The following ADGRL3 variants were observed in gnomAD, a reference collection of about 807,000 sequenced individuals.
The protein encoded by ADGRL3 is calcium-independent alpha-latrotoxin receptor 3.
A neutral mutation model predicts 153.5 loss-of-function variants in ADGRL3; 62 were observed. The ratio of observed to expected loss-of-function variants is 0.40; its 90% CI spans 0.33 to 0.50. ADGRL3 has a LOEUF of 0.50. Among genes scored for constraint, ADGRL3 ranks in the 20% least tolerant of loss-of-function variants. The probability of loss-of-function intolerance (pLI) is 0.47; values close to 1 mark genes in which losing one functional copy is unlikely to be tolerated. For missense variants in ADGRL3, 1,641 were observed against 1,859.4 expected, an observed-to-expected ratio of 0.88 and a Z score of 2.16; for synonymous variants, 710 against 672.5, an observed-to-expected ratio of 1.06 and a Z score of -0.86.
chr4:61,859,773 G>T (rs971243404), intron 9 of ADGRL3, among the ~76,000 whole-genome samples: 1 of 152,166 alleles, frequency 6.6e-6, no homozygotes, highest in Non-Finnish European at 1.5e-5. Context: ...GTGGTGTGTA[G>T]TACTAAAGTG....
In ADGRL3 at chr4:62,023,938, T is replaced by C. The variant is rs889236469; in HGVS notation, c.3396-4917T>C. Among the ~76,000 whole-genome samples the C allele has an allele frequency of 2.6e-5, 4 of 152,112 alleles. 1 individual carries two copies. Among genetic ancestry groups the C allele is most frequent in the South Asian group, 4.1e-4 (2 of 4,824 alleles). On this transcript the variant is annotated intron_variant, in intron 21 of 26. Transcript: ENST00000683033. ...TACCAATTCATTTTTGTAAATCTGA[T>C]AGAGAGGGATACTGAATTCTAATAA...
intron 5 of ADGRL3, among the ~76,000 whole-genome samples, chr4:61,635,317 C>T (rs1046639552): frequency 2.0e-5 from 3 of 152,002 alleles, no homozygotes. Flanking sequence ...ATTGAGTGAC[C>T]CAATGCATAT....
chr4:61,657,054 A>G (rs2094460440), intron 5 of ADGRL3, among the ~76,000 whole-genome samples: 1 of 152,170 alleles, frequency 6.6e-6, no homozygotes, highest in African/African-American at 2.4e-5. Context: ...AAACGTGTTT[A>G]TTTATCAAAT....
chr4:61,370,975 C>A (rs1041717632), intron 1 of ADGRL3, among the ~76,000 whole-genome samples: 8 of 150,796 alleles, frequency 5.3e-5, no homozygotes, highest in Non-Finnish European at 1.2e-4. Flanking sequence ...ATCCCTTTAC[C>A]ATTATGTAAT....
intron 3 of ADGRL3, among the ~76,000 whole-genome samples, chr4:61,509,085 G>A (rs1374870415): frequency 6.6e-6 from 1 of 151,074 alleles, no homozygotes; most frequent in East Asian, 2.0e-4. Context: ...AATTCAAGAC[G>A]AGATTTGGGT....
chr4:61,357,050 T>A (rs1363087171), intron 1 of ADGRL3, among the ~76,000 whole-genome samples: 1 of 152,092 alleles, frequency 6.6e-6, no homozygotes, highest in Non-Finnish European at 1.5e-5. Flanking sequence ...CATTAAAGTG[T>A]CATTAATTTT....
intron 9 of ADGRL3, among the ~76,000 whole-genome samples, chr4:61,844,575 A>AAATATATATATATATAT (rs1554045137): frequency 5.5e-5 from 1 of 18,108 alleles, no homozygotes; most frequent in Non-Finnish European, 8.4e-5. Flanking sequence ...AAAAAAAAAA[A>AAATATATATATATATAT]ATATATATAT....
chr4:61,939,828 T>A (rs2098871946), intron 15 of ADGRL3, among the ~76,000 whole-genome samples: 1 of 152,206 alleles, frequency 6.6e-6, no homozygotes, highest in Non-Finnish European at 1.5e-5. Context: ...CCATTTGCTG[T>A]CTCAATTCGT....
intron 1 of ADGRL3, among the ~76,000 whole-genome samples, chr4:61,215,261 GATAA>G (rs1742110173): frequency 6.6e-6 from 1 of 152,156 alleles, no homozygotes. Flanking sequence ...TTTAATGCTT[GATAA>G]ATAAATGATT....
chr4:61,621,821 A>G (rs981392779), intron 5 of ADGRL3, among the ~76,000 whole-genome samples: 3 of 152,194 alleles, frequency 2.0e-5, no homozygotes, highest in African/African-American at 4.8e-5. Flanking sequence ...TTAAAATTAA[A>G]GAAGAAAAAT....
intron 9 of ADGRL3, among the ~76,000 whole-genome samples, chr4:61,821,189 C>CAAAAA (rs34391051): frequency 4.5e-4 from 49 of 107,780 alleles, no homozygotes; most frequent in African/African-American, 1.0e-3. Flanking sequence ...TGCCAATTAC[C>CAAAAA]AAAAAAAAAA....
chr4:61,409,028 G>T (rs1376908884), intron 2 of ADGRL3, among the ~76,000 whole-genome samples: 1 of 151,126 alleles, frequency 6.6e-6, no homozygotes, highest in Non-Finnish European at 1.5e-5. Context: ...AATCATTTTA[G>T]CTATGAGTTA....
chr4:61,262,156 T>C (rs546496181), intron 1 of ADGRL3, among the ~76,000 whole-genome samples: 15 of 152,290 alleles, frequency 9.8e-5, no homozygotes, highest in Admixed American at 3.9e-4. Context: ...TTTTTACATT[T>C]TGGCAGTGCC....
intron 21 of ADGRL3, among the ~76,000 whole-genome samples, chr4:62,023,566 T>C (rs2151414882): frequency 6.6e-6 from 1 of 152,278 alleles, no homozygotes; most frequent in East Asian, 1.9e-4. Context: ...CAAACTTCAC[T>C]GTGGTCTTAT....
At chr4:61,369,214 C>A (rs983780056) in intron 1 of ADGRL3, among the ~76,000 whole-genome samples, 5 of 152,102 alleles carry the variant, frequency 3.3e-5, no homozygotes, top group African/African-American at 1.2e-4. Context: ...AATTGAATAC[C>A]CTTTATTTCT....
chr4:61,574,970 G>T (rs755546375), intron 4 of ADGRL3, among the ~76,000 whole-genome samples: 1 of 151,156 alleles, frequency 6.6e-6, no homozygotes, highest in Non-Finnish European at 1.5e-5. Flanking sequence ...CTGCTTTCTC[G>T]GGAATATTAT....
intron 2 of ADGRL3, among the ~76,000 whole-genome samples, chr4:61,449,469 T>C (rs1234915878): frequency 1.3e-5 from 2 of 151,930 alleles, no homozygotes; most frequent in Non-Finnish European, 2.9e-5. Flanking sequence ...TGAAATACTA[T>C]TTGGATAAAA....
intron 23 of ADGRL3, among the ~76,000 whole-genome samples, chr4:62,032,200 A>G (rs1254468369): frequency 6.6e-6 from 1 of 151,510 alleles, no homozygotes; most frequent in Non-Finnish European, 1.5e-5. Context: ...ATGAAATCTA[A>G]GAGTTGTATT....
intron 6 of ADGRL3, among the ~76,000 whole-genome samples, chr4:61,686,726 A>G (rs2095451634): frequency 6.6e-6 from 1 of 152,106 alleles, no homozygotes; most frequent in East Asian, 1.9e-4. Context: ...CAATAGAACA[A>G]CAAAGCTTAA....
Sources: gnomAD v4.1 joint callset for allele counts (sites outside exome capture counted in the v4.1 genomes callset) on GRCh38, gnomAD v4.1.1 for gene constraint, MANE v1.5 for transcripts, NCBI Gene and HGNC (gene_info 2026-07-23, HGNC 2026-07-21) for gene names.